Variants in ROBO2 observed in about 807,000 individuals in gnomAD.
The protein encoded by ROBO2 is roundabout guidance receptor 2, also known as roundabout homolog 2.
Under a neutral mutation model 160.8 loss-of-function variants are expected in ROBO2, and 53 were observed. The observed-to-expected ratio is 0.33, with a 90% CI of 0.26 to 0.41. The LOEUF (loss-of-function observed/expected upper bound fraction) is 0.41, where lower values mean the gene tolerates loss of function less well. Ranked by LOEUF, ROBO2 falls within the 10% of genes least tolerant of loss-of-function variation. The probability of loss-of-function intolerance (pLI) is 1.00; values close to 1 mark genes in which losing one functional copy is unlikely to be tolerated. For missense variants in ROBO2, 1,577 were observed against 1,722.4 expected (o/e 0.92, Z 1.49); for synonymous variants, 664 against 611.7 (o/e 1.09, Z -1.26).
chr3:76,148,389 T>C (rs2072000916), intron 2 of ROBO2, among the ~76,000 whole-genome samples: 2 of 152,076 alleles, frequency 1.3e-5, no homozygotes, highest in Non-Finnish European at 2.9e-5. Flanking sequence ...TCCTAAATCA[T>C]GCTTCTTTCC....
intron 1 of ROBO2, among the ~76,000 whole-genome samples, chr3:77,091,268 A>G (rs2070212724): frequency 6.6e-6 from 1 of 152,192 alleles, no homozygotes. Context: ...ATACTACGTG[A>G]TTGAAATCTC....
intron 2 of ROBO2, among the ~76,000 whole-genome samples, chr3:76,508,764 C>A (rs978993691): frequency 6.6e-6 from 1 of 152,162 alleles, no homozygotes; most frequent in East Asian, 1.9e-4. Context: ...AACATTCTGG[C>A]AGTTCATTAT....
chr3:76,828,317 C>A (rs2066757543), intron 2 of ROBO2, among the ~76,000 whole-genome samples: 1 of 151,898 alleles, frequency 6.6e-6, no homozygotes, highest in South Asian at 2.1e-4. Flanking sequence ...TTTATTTTAT[C>A]TATATTATTA....
chr3:76,499,783 C>T (rs1437170361), intron 2 of ROBO2, among the ~76,000 whole-genome samples: 2 of 152,078 alleles, frequency 1.3e-5, no homozygotes, highest in African/African-American at 4.8e-5. Context: ...TTCCTAAAAT[C>T]TATGTCATCT....
intron 2 of ROBO2, among the ~76,000 whole-genome samples, chr3:77,336,605 T>C (rs1179921529): frequency 2.6e-5 from 4 of 152,024 alleles, no homozygotes; most frequent in South Asian, 2.1e-4. Flanking sequence ...GATTAGTGTA[T>C]TGAATAATTA....
intron 2 of ROBO2, among the ~76,000 whole-genome samples, chr3:77,213,047 T>G (rs1211427723): frequency 6.6e-6 from 1 of 152,168 alleles, no homozygotes; most frequent in African/African-American, 2.4e-5. Flanking sequence ...TTTTTTTTGT[T>G]GTGTCTCTGC....
chr3:77,262,316 A>G (rs567770637), intron 2 of ROBO2, among the ~76,000 whole-genome samples: 1 of 152,274 alleles, frequency 6.6e-6, no homozygotes, highest in African/African-American at 2.4e-5. Context: ...CAGATTGAAA[A>G]ATGACAGCAT....
At chr3:77,139,361 A>G (rs919667381) in intron 2 of ROBO2, among the ~76,000 whole-genome samples, 1 of 152,222 alleles carries the variant, frequency 6.6e-6, no homozygotes, top group African/African-American at 2.4e-5. Flanking sequence ...AATACACTCC[A>G]TTCATATTTG....
chr3:75,910,099 A>G (rs1318167037), intron 1 of ROBO2, among the ~76,000 whole-genome samples: 3 of 152,214 alleles, frequency 2.0e-5, no homozygotes, highest in Non-Finnish European at 2.9e-5. Flanking sequence ...GTAAATTTGC[A>G]GTTAGTACAG....
intron 2 of ROBO2, among the ~76,000 whole-genome samples, chr3:76,407,859 C>T (rs575055433): frequency 2.0e-5 from 3 of 152,184 alleles, no homozygotes; most frequent in Non-Finnish European, 4.4e-5. Flanking sequence ...GAGCCTCATG[C>T]AGCCCAGATG....
intron 2 of ROBO2, among the ~76,000 whole-genome samples, chr3:77,008,407 A>ATG (rs2061695301): frequency 6.6e-6 from 1 of 152,188 alleles, no homozygotes; most frequent in Non-Finnish European, 1.5e-5. Flanking sequence ...TGCTGCCTAT[A>ATG]TGTATATGAC....
chr3:77,343,458 G>A (rs373071686), intron 2 of ROBO2, among the ~76,000 whole-genome samples: 2 of 151,992 alleles, frequency 1.3e-5, no homozygotes, highest in East Asian at 1.9e-4. Context: ...CTTAAAAAAC[G>A]TACAAGAAAT....
intron 2 of ROBO2, among the ~76,000 whole-genome samples, chr3:76,459,317 A>C (rs2077957803): frequency 6.6e-6 from 1 of 152,222 alleles, no homozygotes; most frequent in South Asian, 2.1e-4. Context: ...ATCTAGATGC[A>C]GATGCAGACT....
chr3:77,115,593 A>G (rs1456686699), intron 2 of ROBO2, among the ~76,000 whole-genome samples: 3 of 152,206 alleles, frequency 2.0e-5, no homozygotes, highest in Non-Finnish European at 4.4e-5. Flanking sequence ...CATTTTACAT[A>G]GTAAAAATAA....
At chr3:76,817,831 T>TC (rs200087357) in intron 2 of ROBO2, among the ~76,000 whole-genome samples, 32 of 150,352 alleles carry the variant, frequency 2.1e-4, no homozygotes, top group African/African-American at 7.8e-4. Context: ...TCATTCCTTT[T>TC]TTTTTTTTTT....
intron 2 of ROBO2, among the ~76,000 whole-genome samples, chr3:76,742,688 A>G (rs1485662688): frequency 6.6e-6 from 1 of 152,002 alleles, no homozygotes; most frequent in East Asian, 1.9e-4. Context: ...TGGTTTTAGT[A>G]TTATGCTATT....
intron 2 of ROBO2, among the ~76,000 whole-genome samples, chr3:76,352,092 G>A (rs1242297450): frequency 6.6e-6 from 1 of 151,926 alleles, no homozygotes; most frequent in Non-Finnish European, 1.5e-5. Context: ...GAACTTATGT[G>A]GATGAAGTGT....
chr3:76,091,539 G>A (rs897448366), intron 2 of ROBO2, among the ~76,000 whole-genome samples: 4 of 151,980 alleles, frequency 2.6e-5, no homozygotes, highest in African/African-American at 4.8e-5. Context: ...AAAACTAACC[G>A]GCTCTTATCA....
intron 6 of ROBO2, among the ~76,000 whole-genome samples, chr3:77,537,146 T>C (rs1305291388): frequency 1.3e-5 from 2 of 151,330 alleles, no homozygotes; most frequent in African/African-American, 4.9e-5. Flanking sequence ...AATGCCTCCT[T>C]GGAATTGCCT....
Sources: allele counts gnomAD v4.1 joint callset (sites outside exome capture counted in the v4.1 genomes callset), GRCh38; gene constraint gnomAD v4.1.1; transcripts MANE v1.5; gene names NCBI Gene and HGNC (gene_info 2026-07-23, HGNC 2026-07-21).